Variants in CDH12 observed in about 807,000 individuals in gnomAD.
The protein encoded by CDH12 is cadherin-12.
In CDH12, 41 loss-of-function variants were observed where a neutral mutation model predicts 74.1. That is an observed-to-expected ratio of 0.55 (90% confidence interval 0.43 to 0.72). The LOEUF is 0.72. Ranked by LOEUF, CDH12 falls within the 30% of genes least tolerant of loss-of-function variation. CDH12 has a pLI of 0.00. For synonymous variants in CDH12, 399 were observed against 355.0 expected, an observed-to-expected ratio of 1.12 and a Z score of -1.39; for missense variants, 945 against 977.2, an observed-to-expected ratio of 0.97 and a Z score of 0.44.
chr5:22,823,927 G>A (rs1749866104), intron 1 of CDH12, among the ~76,000 whole-genome samples: 2 of 152,068 alleles, frequency 1.3e-5, no homozygotes, highest in Admixed American at 1.3e-4. Flanking sequence ...GTTCTTTATA[G>A]CAGTGTGAGA....
chr5:22,473,343 A>C (rs1746044969), intron 2 of CDH12, among the ~76,000 whole-genome samples: 1 of 152,156 alleles, frequency 6.6e-6, no homozygotes, highest in Non-Finnish European at 1.5e-5. Context: ...TACATGTATT[A>C]AATATTATCT....
chr5:21,816,992 T>C lies in CDH12; in HGVS notation c.955A>G (p.Ile319Val), dbSNP rs764095766. The C allele has an allele frequency of 1.2e-6, 2 of 1,612,872 alleles. No homozygotes were observed. Among genetic ancestry groups the C allele is most frequent in the Non-Finnish European group, 8.5e-7 (1 of 1,179,222 alleles). ...VPGDGGNLFD[I>V]VTDEDTQEGV... ...TCTTGTGTATCCTCATCTGTGACGA[T>C]GTCAAACAAATTTCCCCCATCTCCT... Residue 319 changes from isoleucine (I) to valine (V), a missense_variant, in exon 9 of 15, where the codon ATC becomes GTC. Transcript: ENST00000382254.
intron 6 of CDH12, among the ~76,000 whole-genome samples, chr5:21,907,954 C>A (rs184787808): frequency 6.6e-6 from 1 of 152,226 alleles, no homozygotes; most frequent in East Asian, 1.9e-4. Context: ...GAAGAATGCC[C>A]AGTACATTGC....
chr5:22,533,018 C>T (rs1470135180), intron 1 of CDH12, among the ~76,000 whole-genome samples: 1 of 152,002 alleles, frequency 6.6e-6, no homozygotes, highest in Non-Finnish European at 1.5e-5. Flanking sequence ...GAGGTATATC[C>T]TGAAAATTTT....
At chr5:22,393,224 C>T (rs1477407008) in intron 3 of CDH12, among the ~76,000 whole-genome samples, 2 of 151,992 alleles carry the variant, frequency 1.3e-5, no homozygotes, top group Non-Finnish European at 2.9e-5. Flanking sequence ...TAAGAGAATA[C>T]ACAAAGGAGA....
intron 1 of CDH12, among the ~76,000 whole-genome samples, chr5:22,602,288 C>T (rs1561521088): frequency 6.6e-6 from 1 of 152,088 alleles, no homozygotes; most frequent in Non-Finnish European, 1.5e-5. Flanking sequence ...TACCAAGTGA[C>T]AGACTCAGTG....
At chr5:22,719,923 C>T (rs975314363) in intron 1 of CDH12, among the ~76,000 whole-genome samples, 2 of 152,122 alleles carry the variant, frequency 1.3e-5, no homozygotes, top group African/African-American at 2.4e-5. Context: ...GAAGTCTTCA[C>T]AGCAGCTTCT....
At chr5:21,882,564 T>A (rs1402087497) in intron 6 of CDH12, 1 of 1,419,438 alleles carries the variant, frequency 7.0e-7, no homozygotes, top group African/African-American at 1.4e-5. Context: ...GCCGCGCGCA[T>A]GCCCTGCAGC....
chr5:21,847,770 T>A (rs1321636592), intron 7 of CDH12, among the ~76,000 whole-genome samples: 22 of 152,138 alleles, frequency 1.4e-4, no homozygotes, highest in Admixed American at 1.4e-3. Context: ...CAATCACTGT[T>A]CTGTCTAGCA....
At chr5:22,723,395 A>T (rs1278407303) in intron 1 of CDH12, among the ~76,000 whole-genome samples, 1 of 152,152 alleles carries the variant, frequency 6.6e-6, no homozygotes, top group Non-Finnish European at 1.5e-5. Flanking sequence ...TAATGTGCCC[A>T]ATGTAACAGA....
rs1178371476 is a variant in CDH12 at position 21,950,609 on chromosome 5, C to T, written c.526+24482G>A. Among the ~76,000 whole-genome samples the T allele has an allele frequency of 4.0e-5, 6 of 151,064 alleles. No individual in the cohort carries two copies. In the South Asian group the frequency reaches 1.0e-3, roughly 26 times the overall value. ...ATATTGTCCAAATTGCATTTGTACC[C>T]CATAAATAAATAATTTTTAAAATTC... On this transcript the variant is annotated intron_variant, in intron 6 of 14. Coordinates refer to ENST00000382254, the MANE Select transcript of CDH12 (RefSeq NM_004061.5).
chr5:22,801,644 T>C (rs1160936842), intron 1 of CDH12, among the ~76,000 whole-genome samples: 1 of 37,676 alleles, frequency 2.7e-5, no homozygotes, highest in Non-Finnish European at 5.5e-5. Context: ...ATCATATATA[T>C]ATATATATAT....
chr5:22,235,418 C>CA (rs937451683), intron 3 of CDH12, among the ~76,000 whole-genome samples: 6 of 151,842 alleles, frequency 4.0e-5, no homozygotes, highest in Non-Finnish European at 5.9e-5. Context: ...CTGTCTCTAC[C>CA]AAAACTATAA....
intron 3 of CDH12, among the ~76,000 whole-genome samples, chr5:22,380,500 G>A (rs930159639): frequency 2.0e-5 from 3 of 150,560 alleles, no homozygotes; most frequent in Admixed American, 6.7e-5. Context: ...ACTTGTCACA[G>A]TATTTTATGC....
At chr5:22,267,257 T>C (rs112934714) in intron 3 of CDH12, among the ~76,000 whole-genome samples, 1 of 152,212 alleles carries the variant, frequency 6.6e-6, no homozygotes, top group African/African-American at 2.4e-5. Context: ...TGAATAATTA[T>C]GTTCTATTGA....
intron 4 of CDH12, among the ~76,000 whole-genome samples, chr5:22,192,083 G>A (rs535625755): frequency 1.1e-3 from 164 of 152,120 alleles, no homozygotes; most frequent in African/African-American, 3.8e-3. Context: ...TTATAGGAGG[G>A]CCACCATGCC....
intron 1 of CDH12, among the ~76,000 whole-genome samples, chr5:22,707,596 CT>C (rs1743082797): frequency 6.6e-6 from 1 of 151,986 alleles, no homozygotes; most frequent in African/African-American, 2.4e-5. Flanking sequence ...TGAGAGGGTC[CT>C]TAGAAAATGT....
At chr5:22,789,181 T>C (rs148651025) in intron 1 of CDH12, among the ~76,000 whole-genome samples, 10 of 152,064 alleles carry the variant, frequency 6.6e-5, no homozygotes, top group Non-Finnish European at 1.2e-4. Flanking sequence ...AAGGAACAAA[T>C]GTTAAAAAAG....
At chr5:22,467,765 G>T (rs116194297) in intron 2 of CDH12, among the ~76,000 whole-genome samples, 6,471 of 152,212 alleles carry the variant, frequency 0.043, 240 homozygotes, top group African/African-American at 0.11. Context: ...TGTGTAACCA[G>T]TTTCACCCAT....
Sources: gnomAD v4.1 joint callset for allele counts (sites outside exome capture counted in the v4.1 genomes callset) on GRCh38, gnomAD v4.1.1 for gene constraint, MANE v1.5 for transcripts, NCBI Gene and HGNC (gene_info 2026-07-23, HGNC 2026-07-21) for gene names.